The following RARB variants were observed in gnomAD, a reference collection of about 807,000 sequenced individuals.
The protein encoded by RARB is HBV-activated protein.
RARB carries 17 observed loss-of-function variants against 51.9 expected under a neutral mutation model. The observed-to-expected ratio is 0.33, with a 90% CI of 0.22 to 0.49. RARB has a LOEUF of 0.49. RARB is among the 20% of genes least tolerant of loss of function. The pLI, the probability that RARB is intolerant of heterozygous loss-of-function variation, is 0.99. For synonymous variants in RARB, 215 were observed against 195.4 expected (o/e 1.10, Z -0.84); for missense variants, 369 against 550.8 (o/e 0.67, Z 3.30).
intron 5 of RARB, among the ~76,000 whole-genome samples, chr3:25,233,056 A>G (rs1339656259): frequency 1.4e-5 from 2 of 145,932 alleles, no homozygotes; most frequent in Non-Finnish European, 3.0e-5. Context: ...GCTTACTGCA[A>G]CCTCTGTCTT....
chr3:25,520,360 G>A (rs1698349878), intron 3 of RARB, among the ~76,000 whole-genome samples: 1 of 152,128 alleles, frequency 6.6e-6, no homozygotes, highest in Admixed American at 6.5e-5. Context: ...TATCTCAACA[G>A]TTCAGTAGGG....
chr3:25,111,408 TTTG>T, intron 3 of RARB, among the ~76,000 whole-genome samples: 1 of 152,260 alleles, frequency 6.6e-6, no homozygotes. Context: ...TGTAGCCTTA[TTTG>T]TTGTTGTTCC....
At chr3:24,844,140 A>G (rs528030989) in intron 1 of RARB, among the ~76,000 whole-genome samples, 1 of 152,294 alleles carries the variant, frequency 6.6e-6, no homozygotes, top group Admixed American at 6.5e-5. Flanking sequence ...AGGGAGATGG[A>G]TGTGCTTGAG....
intron 1 of RARB, among the ~76,000 whole-genome samples, chr3:24,850,953 G>A (rs903966960): frequency 6.6e-6 from 1 of 152,190 alleles, no homozygotes; most frequent in Non-Finnish European, 1.5e-5. Context: ...GTGTCAAACA[G>A]GTCAAATAAT....
chr3:25,186,936 T>TGTGTGG (rs1700992791), intron 5 of RARB, among the ~76,000 whole-genome samples: 2 of 150,356 alleles, frequency 1.3e-5, no homozygotes, highest in Non-Finnish European at 3.0e-5. Context: ...TGTGTGTGTG[T>TGTGTGG]GTGTTTTCCT....
chr3:25,150,446 T>C (rs1470205909), intron 4 of RARB, among the ~76,000 whole-genome samples: 8 of 152,198 alleles, frequency 5.3e-5, no homozygotes, highest in African/African-American at 1.9e-4. Context: ...GTTGTTTGGT[T>C]TCTCATGGTC....
chr3:24,955,449 A>G (rs1450166917), intron 2 of RARB, among the ~76,000 whole-genome samples: 3 of 152,104 alleles, frequency 2.0e-5, no homozygotes, highest in African/African-American at 4.8e-5. Context: ...TGTGGTTTCC[A>G]GGTTTGAGGG....
At chr3:25,120,851 T>G (rs1363968297) in intron 3 of RARB, among the ~76,000 whole-genome samples, 1 of 152,130 alleles carries the variant, frequency 6.6e-6, no homozygotes, top group Non-Finnish European at 1.5e-5. Context: ...AAAGTTTCAC[T>G]GCAAATAAGC....
chr3:25,118,988 A>T (rs1378925737), intron 3 of RARB, among the ~76,000 whole-genome samples: 4 of 152,322 alleles, frequency 2.6e-5, no homozygotes, highest in East Asian at 3.9e-4. Flanking sequence ...GACCAATGTC[A>T]TTCCCAGTAT....
intron 1 of RARB, among the ~76,000 whole-genome samples, chr3:25,451,336 C>T (rs1709185283): frequency 1.3e-5 from 2 of 152,192 alleles, no homozygotes; most frequent in South Asian, 4.1e-4. Context: ...TTGTAAGTGG[C>T]AGAAGAGAGA....
At chr3:25,008,886 ACT>A (rs1697333315) in intron 2 of RARB, among the ~76,000 whole-genome samples, 1 of 152,100 alleles carries the variant, frequency 6.6e-6, no homozygotes, top group Admixed American at 6.6e-5. Flanking sequence ...TGCTTCACAC[ACT>A]GATATTTTTC....
At chr3:25,378,034 G>T (rs1342542501) in intron 5 of RARB, among the ~76,000 whole-genome samples, 1 of 152,130 alleles carries the variant, frequency 6.6e-6, no homozygotes, top group Non-Finnish European at 1.5e-5. Flanking sequence ...GATGAAAATG[G>T]AACATAAGAG....
At chr3:24,952,460 C>T (rs1695915040) in intron 2 of RARB, among the ~76,000 whole-genome samples, 1 of 152,148 alleles carries the variant, frequency 6.6e-6, no homozygotes, top group African/African-American at 2.4e-5. Flanking sequence ...CTACTCTCTG[C>T]TAATGGCGCT....
rs180727676 is a variant in RARB at position 25,477,641 on chromosome 3, G to A, written c.306+16300G>A. 1.8e-3 allele frequency among the ~76,000 whole-genome samples: 271 copies of A among 152,296 alleles called. 4 individuals carry two copies. The highest frequency in any genetic ancestry group is 0.015 in the Admixed American group (236 of 15,282). On this transcript the variant is annotated intron_variant, in intron 2 of 7. Transcript: ENST00000330688. ...AGCTCTATTATGTAAGTAAGACAGA[G>A]AGTGGAATCCCTTCTCCCTTAGGGT... is the stretch of plus-strand genomic sequence containing the variant.
At chr3:24,973,358 T>G (rs924366387) in intron 2 of RARB, among the ~76,000 whole-genome samples, 2 of 152,114 alleles carry the variant, frequency 1.3e-5, no homozygotes, top group Non-Finnish European at 2.9e-5. Context: ...CATGCTATTT[T>G]GGTTAGTATA....
rs559171699 is a variant in RARB at position 25,385,131 on chromosome 3, T to C, written c.179-76062T>C. Reference sequence around the variant, plus strand: ...ATCATCTTAGCCCTGTAGTTTGCAATGCACTCCATATATTCTAGTCACATA... The same window carrying C: ...ATCATCTTAGCCCTGTAGTTTGCAACGCACTCCATATATTCTAGTCACATA... On this transcript the variant is annotated intron_variant, in intron 5 of 11. Transcript: ENST00000383772. 2.6e-5 allele frequency among the ~76,000 whole-genome samples: 4 copies of C among 152,318 alleles called. No individual in the cohort carries two copies. The East Asian group carries it at 5.8e-4, about 22-fold the overall frequency.
At chr3:25,069,632 A>T (rs757869939) in intron 3 of RARB, among the ~76,000 whole-genome samples, 1 of 152,102 alleles carries the variant, frequency 6.6e-6, no homozygotes, top group Non-Finnish European at 1.5e-5. Flanking sequence ...TCTCAGAGGG[A>T]ACTGCACCGT....
At chr3:25,046,260 C>T (rs1399331751) in intron 2 of RARB, among the ~76,000 whole-genome samples, 1 of 152,138 alleles carries the variant, frequency 6.6e-6, no homozygotes, top group Non-Finnish European at 1.5e-5. Flanking sequence ...AATTTTCTTG[C>T]ATATGCCTTT....
Position 25,259,148 on chromosome 3 carries a change from A to G in RARB, c.178+84573A>G, listed in dbSNP as rs1702937778. ...ACCTCTCAAGAAACACTATTTAATA[A>G]TATAGTAAATAGATATGGTAAAGTA... On this transcript the variant is annotated intron_variant, in intron 5 of 11. Transcript: ENST00000383772. 3.6e-6 allele frequency: 3 copies of G among 829,100 alleles called. No individual in the cohort carries two copies. In the South Asian group the frequency reaches 1.7e-4, roughly 46 times the overall value. 51.4% of individuals were successfully genotyped at this position (829,100 alleles called of 1,614,324 possible). A position where few individuals can be genotyped will look rare whatever the true frequency, so the allele number is the denominator to read the frequency against.
Sources: allele counts gnomAD v4.1 joint callset (sites outside exome capture counted in the v4.1 genomes callset), GRCh38; gene constraint gnomAD v4.1.1; transcripts MANE v1.5; gene names NCBI Gene and HGNC (gene_info 2026-07-23, HGNC 2026-07-21).